Variants in C10orf90 observed in about 807,000 individuals in gnomAD.
The protein encoded by C10orf90 is (E2-independent) E3 ubiquitin-conjugating enzyme FATS.
Under a neutral mutation model 62.5 loss-of-function variants are expected in C10orf90, and 56 were observed. The ratio of observed to expected loss-of-function variants is 0.90; its 90% CI spans 0.72 to 1.12. The LOEUF is 1.12. C10orf90 is among the 50% of genes most tolerant of loss of function. C10orf90 has a pLI of 0.00. For synonymous variants in C10orf90, 386 were observed against 340.4 expected, an observed-to-expected ratio of 1.13 and a Z score of -1.47; for missense variants, 970 against 880.4, an observed-to-expected ratio of 1.10 and a Z score of -1.29.
chr10:126,667,615 C>T (rs1272020925), intron 1 of C10orf90, among the ~76,000 whole-genome samples: 1 of 152,156 alleles, frequency 6.6e-6, no homozygotes, highest in Non-Finnish European at 1.5e-5. Context: ...CACTTACATT[C>T]ACACCATAGG....
intron 7 of C10orf90, among the ~76,000 whole-genome samples, chr10:126,439,495 CT>C (rs1322256095): frequency 6.6e-6 from 1 of 152,076 alleles, no homozygotes; most frequent in Non-Finnish European, 1.5e-5. Context: ...TATGCATCAT[CT>C]GACAAAGAAT....
chr10:126,564,062 A>G (rs1266343448), intron 2 of C10orf90, among the ~76,000 whole-genome samples: 1 of 152,104 alleles, frequency 6.6e-6, no homozygotes, highest in African/African-American at 2.4e-5. Context: ...TGTGAAAACC[A>G]CAAATGTCTC....
At chr10:126,666,134 T>C (rs1846622390) in intron 1 of C10orf90, among the ~76,000 whole-genome samples, 1 of 152,190 alleles carries the variant, frequency 6.6e-6, no homozygotes, top group Admixed American at 6.5e-5. Flanking sequence ...GGTAGTTCTT[T>C]GTTGCGGGGT....
rs1317006791 is a variant in C10orf90 at position 126,670,496 on chromosome 10, G to A, written c.-16C>T. 4.4e-6 allele frequency: 2 copies of A among 455,724 alleles called. No individual in the cohort carries two copies. Among genetic ancestry groups the A allele is most frequent in the Admixed American group, 2.4e-5 (1 of 42,478 alleles). The allele number at this position is 455,724 out of a possible 1,614,324, so 28.2% of individuals were successfully genotyped here. A position where few individuals can be genotyped will look rare whatever the true frequency, so the allele number is the denominator to read the frequency against. On this transcript the variant is annotated 5_prime_UTR_variant, in exon 1 of 10. Transcript: ENST00000488181. Reference sequence around the variant, plus strand: ...AGTGCTGCATGAGACTCAGTATCTTGTGACTTTAGCTAGTGAGACTGGCAA... The same window carrying A: ...AGTGCTGCATGAGACTCAGTATCTTATGACTTTAGCTAGTGAGACTGGCAA...
chr10:126,425,198 C>T lies in C10orf90; in HGVS notation c.*666G>A, dbSNP rs897939711. 6.6e-6 allele frequency: 1 copy of T among 152,132 alleles called. No individual in the cohort carries two copies. The highest frequency in any genetic ancestry group is 1.5e-5 in the Non-Finnish European group (1 of 68,052). 9.4% of individuals were successfully genotyped at this position (152,132 alleles called of 1,614,324 possible). On this transcript the variant is annotated 3_prime_UTR_variant, in exon 10 of 10. Coordinates refer to ENST00000488181, the MANE Select transcript of C10orf90 (RefSeq NM_001350921.2). ...GGCAGGAGGAGTATTGTAGAAAACA[C>T]TGAAGTTACGTCAGAGCTTCCATAG...
At chr10:126,654,607 T>C (rs1846356047) in intron 1 of C10orf90, among the ~76,000 whole-genome samples, 1 of 152,244 alleles carries the variant, frequency 6.6e-6, no homozygotes, top group African/African-American at 2.4e-5. Context: ...CATTCCTGTG[T>C]TCACTGGAGT....
chr10:126,464,508 G>T (rs1860168907), intron 5 of C10orf90, among the ~76,000 whole-genome samples, 188 bp downstream of exon 5: 1 of 152,186 alleles, frequency 6.6e-6, no homozygotes, highest in South Asian at 2.1e-4. Context: ...CCCACATAGG[G>T]CTGCCTCCTG....
At chr10:126,626,991 TTTTC>T (rs1564898630) in intron 2 of C10orf90, among the ~76,000 whole-genome samples, 26 of 108,114 alleles carry the variant, frequency 2.4e-4, no homozygotes, top group Non-Finnish European at 4.4e-4. Flanking sequence ...TTCTTTTTCT[TTTTC>T]TTTTCTTTTT....
chr10:126,517,513 C>T (rs137981596), intron 2 of C10orf90, among the ~76,000 whole-genome samples: 22 of 152,298 alleles, frequency 1.4e-4, no homozygotes, highest in African/African-American at 4.8e-4. Context: ...TGCTGGGGAA[C>T]TGCCCCATAC....
intron 2 of C10orf90, among the ~76,000 whole-genome samples, chr10:126,516,960 G>T (rs2133928405): frequency 6.6e-6 from 1 of 152,158 alleles, no homozygotes; most frequent in African/African-American, 2.4e-5. Flanking sequence ...CTCTTGTAAG[G>T]ACCCTTGGAT....
chr10:126,447,248 TAA>T (rs201250262), intron 7 of C10orf90, among the ~76,000 whole-genome samples: 8 of 143,836 alleles, frequency 5.6e-5, no homozygotes, highest in Non-Finnish European at 6.1e-5. Context: ...CTCAATGGGT[TAA>T]AAAAAAAAAA....
chr10:126,430,086 T>C (rs1857484963), intron 7 of C10orf90, among the ~76,000 whole-genome samples: 2 of 152,212 alleles, frequency 1.3e-5, no homozygotes, highest in South Asian at 4.1e-4. Flanking sequence ...TGTTAGCATC[T>C]AACCTACTTT....
intron 1 of C10orf90, among the ~76,000 whole-genome samples, chr10:126,657,261 C>T (rs1022436294): frequency 1.3e-5 from 2 of 152,318 alleles, no homozygotes; most frequent in African/African-American, 4.8e-5. Context: ...ATCTCCAGTA[C>T]CTTTTTATCA....
chr10:126,657,563 G>A (rs1283799414), intron 1 of C10orf90, among the ~76,000 whole-genome samples: 4 of 151,546 alleles, frequency 2.6e-5, no homozygotes, highest in Non-Finnish European at 4.4e-5. Flanking sequence ...TCCTTTGTGG[G>A]GCTGTGCTTT....
In C10orf90 at chr10:126,453,715, A is replaced by G. The variant is rs1859352067; in HGVS notation, c.2188+5325T>C. 6.6e-6 allele frequency among the ~76,000 whole-genome samples: 1 copy of G among 152,194 alleles called. No homozygotes were observed. ...AGTGCTCGGCTGAGAGATGAAAGCC[A>G]CCAGAGCCCAGCTCAGTTATTACAG... On this transcript the variant is annotated intron_variant, in intron 7 of 9. Coordinates refer to ENST00000488181, the MANE Select transcript of C10orf90 (RefSeq NM_001350921.2). The surrounding 1 kb of genome is among the most constrained non-coding windows in gnomAD (Gnocchi z 4.9).
In C10orf90 at chr10:126,606,957, C is replaced by T. The variant is rs565975040; in HGVS notation, c.313+39608G>A. On this transcript the variant is annotated intron_variant, in intron 2 of 9. Coordinates refer to ENST00000488181, the MANE Select transcript of C10orf90 (RefSeq NM_001350921.2). ...AGAAAACTGCTAAAAGTAGGCATCT[C>T]TTAAAACTGTCATTCTCAAAAGATA... 2.0e-5 allele frequency among the ~76,000 whole-genome samples: 3 copies of T among 152,306 alleles called. No individual in the cohort carries two copies. The South Asian group carries it at 6.2e-4, about 32-fold the overall frequency.
chr10:126,635,921 T>C (rs946259205), intron 2 of C10orf90, among the ~76,000 whole-genome samples: 1 of 152,004 alleles, frequency 6.6e-6, no homozygotes, highest in Non-Finnish European at 1.5e-5. Context: ...GACAGACACT[T>C]CACAACTGAA....
chr10:126,512,021 AC>A (rs2133912449), intron 3 of C10orf90: 1 of 151,992 alleles, frequency 6.6e-6, no homozygotes, highest in South Asian at 2.1e-4. Flanking sequence ...GCGGAGACTT[AC>A]GGCAGCCACA....
intron 2 of C10orf90, among the ~76,000 whole-genome samples, chr10:126,636,945 C>A (rs1299194473): frequency 1.3e-5 from 2 of 151,898 alleles, no homozygotes; most frequent in Non-Finnish European, 2.9e-5. Flanking sequence ...TAACATACAG[C>A]CCTTGGAAGG....
Sources: gnomAD v4.1 joint callset for allele counts (sites outside exome capture counted in the v4.1 genomes callset) on GRCh38, gnomAD v4.1.1 for gene constraint, Gnocchi (gnomAD v3.1) non-coding constraint, MANE v1.5 for transcripts, NCBI Gene and HGNC (gene_info 2026-07-23, HGNC 2026-07-21) for gene names.